The following MGAT5 variants were observed in gnomAD, a reference collection of about 807,000 sequenced individuals.
MGAT5 encodes alpha-1,6-mannosylglycoprotein 6-beta-N-acetylglucosaminyltransferase, also known as alpha-1,6-mannosylglycoprotein 6-beta-N-acetylglucosaminyltransferase A.
In MGAT5, 30 loss-of-function variants were observed where a neutral mutation model predicts 94.3. That is an observed-to-expected ratio of 0.32 (90% confidence interval 0.24 to 0.43). The LOEUF is 0.43. Ranked by LOEUF, MGAT5 falls within the 20% of genes least tolerant of loss-of-function variation. The pLI, the probability that MGAT5 is intolerant of heterozygous loss-of-function variation, is 1.00. For synonymous variants in MGAT5, 310 were observed against 322.9 expected, an observed-to-expected ratio of 0.96 and a Z score of 0.43; for missense variants, 691 against 905.5, an observed-to-expected ratio of 0.76 and a Z score of 3.04.
At chr2:134,155,422 C>T (rs1573758384) in intron 1 of MGAT5, among the ~76,000 whole-genome samples, 3 of 152,138 alleles carry the variant, frequency 2.0e-5, no homozygotes, top group Non-Finnish European at 4.4e-5. Context: ...GTGTTTCAGT[C>T]CTTAACTAGG....
At chr2:134,442,590 G>C (rs1574110762) in intron 15 of MGAT5, among the ~76,000 whole-genome samples, 1 of 152,280 alleles carries the variant, frequency 6.6e-6, no homozygotes, top group Admixed American at 6.5e-5. Context: ...CACAGGGGAG[G>C]CGCCTTCCTT....
chr2:134,199,610 A>G (rs1455938820), intron 1 of MGAT5, among the ~76,000 whole-genome samples: 2 of 151,704 alleles, frequency 1.3e-5, no homozygotes, highest in African/African-American at 2.4e-5. Flanking sequence ...GCCTTGTTCT[A>G]TCGGCTGCTC....
chr2:134,424,778 C>T (rs1305824491), intron 13 of MGAT5, among the ~76,000 whole-genome samples: 2 of 152,234 alleles, frequency 1.3e-5, no homozygotes, highest in East Asian at 3.8e-4. Context: ...GCTAGATATC[C>T]TCCCTTGCCT....
At position 134,200,165 on chromosome 2, in the gene MGAT5, C is replaced by G. The variant is rs543695890; in HGVS notation, c.-142-54097C>G. Among the ~76,000 whole-genome samples the G allele has an allele frequency of 6.9e-4, 103 of 149,506 alleles. 1 individual carries two copies. The highest frequency in any genetic ancestry group is 2.9e-3 in the Admixed American group (44 of 15,008). Reference sequence around the variant, plus strand: ...CGCCCCCCAATCCCCCCATTCCCCCCCTGCCCCGCCAAGGCTGAGAAAGTC... The same window carrying G: ...CGCCCCCCAATCCCCCCATTCCCCCGCTGCCCCGCCAAGGCTGAGAAAGTC... On this transcript the variant is annotated intron_variant, in intron 1 of 16. Coordinates refer to the MGAT5 transcript ENST00000409645.
At chr2:134,357,710 A>C (rs930855258) in intron 9 of MGAT5, among the ~76,000 whole-genome samples, 2 of 152,132 alleles carry the variant, frequency 1.3e-5, no homozygotes, top group Non-Finnish European at 2.9e-5. Flanking sequence ...TACTCTTCTA[A>C]GGAGTCCATT....
At chr2:134,197,251 G>A (rs1278757982) in intron 1 of MGAT5, among the ~76,000 whole-genome samples, 6 of 152,146 alleles carry the variant, frequency 3.9e-5, no homozygotes, top group Admixed American at 6.5e-5. Flanking sequence ...ACATTTTTAC[G>A]TTTGAACTTG....
At chr2:134,325,140 C>T (rs754524708) in intron 4 of MGAT5, among the ~76,000 whole-genome samples, 4 of 152,036 alleles carry the variant, frequency 2.6e-5, no homozygotes, top group Non-Finnish European at 5.9e-5. Context: ...ATGTTATATA[C>T]CACAACATTT....
At chr2:134,237,065 A>C (rs1464767622) in intron 1 of MGAT5, among the ~76,000 whole-genome samples, 3 of 151,810 alleles carry the variant, frequency 2.0e-5, no homozygotes. Context: ...CCTTTTCCTC[A>C]GGATAGCCTT....
At chr2:134,263,231 C>G (rs2105579112) in intron 1 of MGAT5, among the ~76,000 whole-genome samples, 1 of 152,284 alleles carries the variant, frequency 6.6e-6, no homozygotes, top group African/African-American at 2.4e-5. Flanking sequence ...TTCCTATTCC[C>G]TGCAGCTGGC....
intron 2 of MGAT5, among the ~76,000 whole-genome samples, chr2:134,305,826 AT>A (rs1368636272): frequency 6.6e-6 from 1 of 152,268 alleles, no homozygotes; most frequent in East Asian, 1.9e-4. Flanking sequence ...GCTTGGCACT[AT>A]TTTGTTTATT....
At chr2:134,235,727 G>GTA (rs111416761) in intron 1 of MGAT5, among the ~76,000 whole-genome samples, 2 of 149,352 alleles carry the variant, frequency 1.3e-5, no homozygotes, top group African/African-American at 5.0e-5. Context: ...TAATAATAGG[G>GTA]GTTTTTTTTT....
chr2:134,387,353 T>TTA (rs397985933), intron 10 of MGAT5, among the ~76,000 whole-genome samples: 2 of 133,584 alleles, frequency 1.5e-5, no homozygotes, highest in African/African-American at 5.7e-5. Context: ...TTTTTTTTTT[T>TTA]ACCAAACCAG....
chr2:134,219,215 G>A (rs1049620875), intron 1 of MGAT5, among the ~76,000 whole-genome samples: 1 of 152,266 alleles, frequency 6.6e-6, no homozygotes, highest in Admixed American at 6.5e-5. Flanking sequence ...ATGGCTGAGC[G>A]AGAAAGCAAG....
At chr2:134,156,281 A>T (rs1324098718) in intron 1 of MGAT5, among the ~76,000 whole-genome samples, 6 of 152,164 alleles carry the variant, frequency 3.9e-5, no homozygotes, top group Non-Finnish European at 8.8e-5. Context: ...AAACACCTGG[A>T]GGGGATCATG....
intron 2 of MGAT5, among the ~76,000 whole-genome samples, chr2:134,286,608 C>T (rs988175206): frequency 6.6e-6 from 1 of 151,838 alleles, no homozygotes; most frequent in East Asian, 1.9e-4. Context: ...TTAGTAGAGA[C>T]GGGGTTTTAC....
chr2:134,356,699 C>T (rs375324582), intron 9 of MGAT5, among the ~76,000 whole-genome samples: 21 of 152,264 alleles, frequency 1.4e-4, no homozygotes, highest in African/African-American at 2.2e-4. Flanking sequence ...AAAACCCTGT[C>T]GCTTACTACG....
intron 11 of MGAT5, among the ~76,000 whole-genome samples, chr2:134,405,444 C>T (rs35019687): frequency 0.057 from 8,622 of 152,282 alleles, 363 homozygotes; most frequent in Middle Eastern, 0.099. Flanking sequence ...CCCCTCACAC[C>T]TGGCACACAG....
At chr2:134,421,635 A>G (rs1309924499) in intron 12 of MGAT5, among the ~76,000 whole-genome samples, 1 of 152,126 alleles carries the variant, frequency 6.6e-6, no homozygotes, top group Non-Finnish European at 1.5e-5. Flanking sequence ...AAAGCCCTGC[A>G]GGCCATTTGA....
chr2:134,307,218 G>A (rs1686378995), intron 2 of MGAT5, among the ~76,000 whole-genome samples: 1 of 152,098 alleles, frequency 6.6e-6, no homozygotes, highest in African/African-American at 2.4e-5. Context: ...GGGGGCTTGA[G>A]CATTCTTAAT....
Sources: allele counts gnomAD v4.1 joint callset (sites outside exome capture counted in the v4.1 genomes callset), GRCh38; gene constraint gnomAD v4.1.1; transcripts MANE v1.5; gene names NCBI Gene and HGNC (gene_info 2026-07-23, HGNC 2026-07-21).